Variants in NSD1 observed in about 807,000 individuals in gnomAD.
NSD1 encodes nuclear receptor binding SET domain protein 1.
In NSD1, 26 loss-of-function variants were observed where a neutral mutation model predicts 242.7. The observed-to-expected ratio is 0.11, with a 90% CI of 0.08 to 0.15. The LOEUF (loss-of-function observed/expected upper bound fraction) is 0.15. Among genes scored for constraint, NSD1 ranks in the 10% least tolerant of loss-of-function variants. NSD1 has a pLI of 1.00. For synonymous variants in NSD1, 1,106 were observed against 1,178.1 expected, an observed-to-expected ratio of 0.94 and a Z score of 1.25; for missense variants, 2,495 against 3,272.8, an observed-to-expected ratio of 0.76 and a Z score of 5.80.
intron 3 of NSD1, among the ~76,000 whole-genome samples, chr5:177,200,716 A>G (rs115468174): frequency 7.6e-4 from 115 of 152,230 alleles, no homozygotes; most frequent in African/African-American, 2.7e-3. Flanking sequence ...TCAATGCTAT[A>G]GTATGTTTCT....
chr5:177,208,294 A>G (rs1280557976), intron 4 of NSD1, among the ~76,000 whole-genome samples: 1 of 152,126 alleles, frequency 6.6e-6, no homozygotes, highest in Non-Finnish European at 1.5e-5. Flanking sequence ...ATAGCTCTGG[A>G]TTACATGATG....
At chr5:177,214,667 CCTTTTT>C (rs1763626937) in intron 5 of NSD1, among the ~76,000 whole-genome samples, 1 of 112,980 alleles carries the variant, frequency 8.9e-6, no homozygotes, top group African/African-American at 3.2e-5. Context: ...GACAGGATCA[CCTTTTT>C]TTTTTTTTTT....
chr5:177,289,850 T>C (rs1196615968), intron 21 of NSD1, among the ~76,000 whole-genome samples: 12 of 150,008 alleles, frequency 8.0e-5, no homozygotes, highest in Middle Eastern at 6.8e-3. Flanking sequence ...TTTTTTGAGG[T>C]GGAGTCTCGC....
rs144023511 is a variant in NSD1, at chr5:177,294,440, G to C, written c.7072G>C (p.Asp2358His). ...ACTGGAAAGACCTCTGGGGACGGCTGACCCAAGGCTGGATAAATCCATAGG... is the reference window on the plus strand; with the variant it reads ...ACTGGAAAGACCTCTGGGGACGGCTCACCCAAGGCTGGATAAATCCATAGG... ...QPLERPLGTA[D>H]PRLDKSIGAA... is the part of the protein sequence containing the mutation. Residue 2358 changes from aspartate to histidine, a missense_variant, in exon 23 of 23, where the codon GAC (aspartate) becomes CAC (histidine). Physicochemically the swap from Asp to His is moderately conservative, Grantham distance 81. This residue lies in a region of NSD1 where 475 missense variants were observed against 563.7 expected (regional missense o/e 0.84). Coordinates refer to ENST00000439151, the MANE Select transcript of NSD1 (RefSeq NM_022455.5). 2.5e-6 allele frequency: 4 copies of C among 1,614,086 alleles called. No individual in the cohort carries two copies. The highest frequency in any genetic ancestry group is 1.6e-4 in the Middle Eastern group (1 of 6,084).
intron 12 of NSD1, among the ~76,000 whole-genome samples, chr5:177,255,757 G>C (rs1053873309): frequency 1.3e-5 from 2 of 151,986 alleles, no homozygotes; most frequent in Admixed American, 1.3e-4. Flanking sequence ...TAATTGTTTT[G>C]TATTTCTAGT....
At chr5:177,183,343 TGTG>T (rs1760848882) in intron 2 of NSD1, among the ~76,000 whole-genome samples, 1 of 152,322 alleles carries the variant, frequency 6.6e-6, no homozygotes, top group African/African-American at 2.4e-5. Context: ...TTTGCATTGT[TGTG>T]GTAGTCTTGA....
rs1416255762 is a variant in NSD1 at position 177,294,527 on chromosome 5, C to G, written c.7159C>G (p.Pro2387Ala). ...CTCAGTTCCCACTGGCCTGAGACTT[C>G]CGCCGCCAGACAGACTGCTCATTAC... ...KTSVPTGLRL[P>A]PPDRLLITSS... The change falls in exon 23 of 23, where the codon CCG (proline) becomes GCG (alanine). Residue 2387 changes from proline to alanine, a missense_variant. Transcript: ENST00000439151. The G allele has an allele frequency of 1.2e-6, 2 of 1,614,222 alleles. No homozygotes were observed. The highest frequency in any genetic ancestry group is 1.7e-5 in the Admixed American group (1 of 60,030).
At chr5:177,143,570 T>G (rs1756992208) in intron 2 of NSD1, among the ~76,000 whole-genome samples, 2 of 152,116 alleles carry the variant, frequency 1.3e-5, no homozygotes, top group Admixed American at 1.3e-4. Flanking sequence ...TCCGCCTGCC[T>G]CAGCCTCCCA....
intron 2 of NSD1, among the ~76,000 whole-genome samples, chr5:177,158,285 C>CTT: frequency 1.1e-5 from 1 of 90,840 alleles, no homozygotes; most frequent in Non-Finnish European, 2.0e-5. Context: ...TTCTTTCTTT[C>CTT]TTTCTTTCTT....
intron 17 of NSD1, among the ~76,000 whole-genome samples, chr5:177,279,929 T>A (rs1027455475): frequency 2.3e-4 from 34 of 150,982 alleles, no homozygotes; most frequent in African/African-American, 7.5e-4. Flanking sequence ...AATTATTTTT[T>A]AAAATGAATT....
chr5:177,241,289 G>A (rs932080403), intron 8 of NSD1, among the ~76,000 whole-genome samples: 8 of 151,612 alleles, frequency 5.3e-5, no homozygotes, highest in African/African-American at 1.9e-4. Flanking sequence ...TTGCGGTCAG[G>A]AGTTGGAGAC....
chr5:177,188,879 G>T (rs1001584817), intron 2 of NSD1, among the ~76,000 whole-genome samples: 10 of 152,046 alleles, frequency 6.6e-5, no homozygotes, highest in Non-Finnish European at 1.2e-4. Flanking sequence ...GGGCAACGTG[G>T]TTATATTCCA....
intron 5 of NSD1, among the ~76,000 whole-genome samples, chr5:177,230,081 A>G (rs1043134942): frequency 9.2e-5 from 14 of 152,128 alleles, no homozygotes; most frequent in Admixed American, 3.3e-4. Context: ...AGTTGTCACC[A>G]TGCTGTTTCA....
intron 16 of NSD1, among the ~76,000 whole-genome samples, chr5:177,271,566 G>T (rs1002603312): frequency 6.6e-6 from 1 of 152,116 alleles, no homozygotes; most frequent in Non-Finnish European, 1.5e-5. Context: ...GAAGGAAAAG[G>T]ACTTAAAATG....
chr5:177,204,094 A>AT (rs1311381483), intron 3 of NSD1, 26 bp from the exon 4 acceptor site: 1 of 1,609,266 alleles, frequency 6.2e-7, no homozygotes, highest in Non-Finnish European at 8.5e-7. Flanking sequence ...TGATCTAATG[A>AT]TTCTGGTTCT....
chr5:177,163,980 G>T (rs1758964039), intron 2 of NSD1, among the ~76,000 whole-genome samples: 1 of 152,048 alleles, frequency 6.6e-6, no homozygotes, highest in Non-Finnish European at 1.5e-5. Context: ...AGGTTAAAAT[G>T]AGAGGAATTT....
At chr5:177,254,550 C>A (rs1756269574) in intron 12 of NSD1, among the ~76,000 whole-genome samples, 1 of 152,086 alleles carries the variant, frequency 6.6e-6, no homozygotes, top group African/African-American at 2.4e-5. Context: ...CAGGCGTGCA[C>A]CACCATGCCC....
chr5:177,155,379 C>T (rs567285573), intron 2 of NSD1, among the ~76,000 whole-genome samples: 20 of 151,790 alleles, frequency 1.3e-4, no homozygotes, highest in Non-Finnish European at 2.4e-4. Flanking sequence ...CCACCCGCCT[C>T]GGCCTCCCAA....
intron 14 of NSD1, among the ~76,000 whole-genome samples, chr5:177,262,547 A>G (rs1023586494): frequency 4.6e-5 from 7 of 152,246 alleles, no homozygotes; most frequent in Non-Finnish European, 7.3e-5. Flanking sequence ...GCTTGGAACT[A>G]CATCAGGCAA....
Sources: allele counts gnomAD v4.1 joint callset (sites outside exome capture counted in the v4.1 genomes callset), GRCh38; gene constraint gnomAD v4.1.1; regional missense constraint gnomAD v4.1.1; transcripts MANE v1.5; gene names NCBI Gene and HGNC (gene_info 2026-07-23, HGNC 2026-07-21).